Variants in MYH11 observed in about 807,000 individuals in gnomAD.
MYH11 encodes the protein myosin-11.
MYH11 carries 80 observed loss-of-function variants against 246.6 expected under a neutral mutation model. The observed-to-expected ratio is 0.32, with a 90% CI of 0.27 to 0.39. MYH11 has a LOEUF of 0.39. Among genes scored for constraint, MYH11 ranks in the 10% least tolerant of loss-of-function variants. The pLI is 1.00. For missense variants in MYH11, 2,158 were observed against 2,546.8 expected (o/e 0.85, Z 3.29); for synonymous variants, 1,071 against 1,015.5 (o/e 1.05, Z -1.04).
At chr16:15,785,558 C>T (rs2042449407) in intron 5 of MYH11, 1 of 151,738 alleles carries the variant, frequency 6.6e-6, no homozygotes, top group Non-Finnish European at 1.5e-5. Flanking sequence ...TCCAGACAAG[C>T]CGGCCATGGT....
At chr16:15,778,139 C>T (rs2042266480) in intron 7 of MYH11, among the ~76,000 whole-genome samples, 2 of 152,138 alleles carry the variant, frequency 1.3e-5, no homozygotes, top group South Asian at 4.1e-4. Flanking sequence ...TGGTTGTTCC[C>T]CCACGTCCAG....
At chr16:15,738,233 T>C (rs2041177875) in intron 24 of MYH11, among the ~76,000 whole-genome samples, 1 of 151,986 alleles carries the variant, frequency 6.6e-6, no homozygotes, top group South Asian at 2.1e-4. Context: ...AGCCCAGGAA[T>C]AGTGGCTCAT....
At chr16:15,737,313 GC>G (rs2041146929) in intron 25 of MYH11, 135 bp downstream of exon 25, 9 of 1,083,992 alleles carry the variant, frequency 8.3e-6, no homozygotes, top group Non-Finnish European at 1.2e-5. Context: ...CTTGTGGGAG[GC>G]CTGGCCTGGG....
At chr16:15,797,910 C>T (rs2042783305) in intron 4 of MYH11, among the ~76,000 whole-genome samples, 1 of 151,804 alleles carries the variant, frequency 6.6e-6, no homozygotes, top group Admixed American at 6.6e-5. Flanking sequence ...TTTAAAATGT[C>T]CCCTCAGATG....
chr16:15,734,276 T>C (rs753981693), intron 26 of MYH11, among the ~76,000 whole-genome samples: 1 of 151,324 alleles, frequency 6.6e-6, no homozygotes, highest in Non-Finnish European at 1.5e-5. Flanking sequence ...TTAACTGGTG[T>C]GACTAAGGGT....
intron 1 of MYH11, among the ~76,000 whole-genome samples, chr16:15,838,688 C>A (rs1052161726): frequency 6.6e-6 from 1 of 151,652 alleles, no homozygotes. Flanking sequence ...GGTGAAACCC[C>A]GTCTCTACTG....
chr16:15,769,322 A>C (rs1489314103), intron 9 of MYH11, among the ~76,000 whole-genome samples: 2 of 152,188 alleles, frequency 1.3e-5, no homozygotes, highest in Non-Finnish European at 2.9e-5. Flanking sequence ...ATCTCAAACA[A>C]AACAAAACAA....
chr16:15,739,580 T>G (rs573148261), intron 23 of MYH11, among the ~76,000 whole-genome samples: 1 of 152,280 alleles, frequency 6.6e-6, no homozygotes, highest in Admixed American at 6.5e-5. Context: ...GACATCCAGC[T>G]CAAAGAACTA....
intron 2 of MYH11, among the ~76,000 whole-genome samples, chr16:15,830,488 G>C (rs111733933): frequency 1.6e-4 from 24 of 152,178 alleles, no homozygotes; most frequent in African/African-American, 5.8e-4. Flanking sequence ...AAAATACACA[G>C]TTAGATGCAA....
chr16:15,723,598 A>C (rs2040595239), intron 31 of MYH11, among the ~76,000 whole-genome samples: 1 of 152,188 alleles, frequency 6.6e-6, no homozygotes, highest in African/African-American at 2.4e-5. Flanking sequence ...GGGAGCTGAG[A>C]TCACACCACT....
At chr16:15,743,964 C>A (rs1303449652) in intron 20 of MYH11, among the ~76,000 whole-genome samples, 1 of 151,984 alleles carries the variant, frequency 6.6e-6, no homozygotes, top group Non-Finnish European at 1.5e-5. Context: ...CCTGACTCTG[C>A]CAGAAATAAA....
intron 2 of MYH11, among the ~76,000 whole-genome samples, chr16:15,837,012 G>A (rs1405379500): frequency 6.6e-6 from 1 of 152,030 alleles, no homozygotes; most frequent in Non-Finnish European, 1.5e-5. Flanking sequence ...GGCATGAGTC[G>A]CCAAACCTGG....
intron 2 of MYH11, among the ~76,000 whole-genome samples, chr16:15,826,367 T>A (rs544250306): frequency 6.6e-6 from 1 of 152,116 alleles, no homozygotes; most frequent in Non-Finnish European, 1.5e-5. Context: ...GCAGGAAGAT[T>A]GCTTGAGCCC....
intron 3 of MYH11, among the ~76,000 whole-genome samples, chr16:15,818,678 C>T (rs1454402657): frequency 6.6e-6 from 1 of 152,012 alleles, no homozygotes; most frequent in Non-Finnish European, 1.5e-5. Context: ...TCTCATGATC[C>T]CCCCACCTTG....
chr16:15,745,582 C>CTTTTTTTTTT (rs71981525), intron 19 of MYH11, among the ~76,000 whole-genome samples: 4 of 94,412 alleles, frequency 4.2e-5, no homozygotes, highest in African/African-American at 8.1e-5. Flanking sequence ...TTCTTTCTTT[C>CTTTTTTTTTT]TTTTTTTTTT....
chr16:15,829,384 C>G (rs891356189), intron 2 of MYH11, among the ~76,000 whole-genome samples: 9 of 152,124 alleles, frequency 5.9e-5, no homozygotes, highest in Non-Finnish European at 1.2e-4. Flanking sequence ...TCTGTAAAAG[C>G]TTTCTAAGCA....
chr16:15,806,303 A>G (rs1333026550), intron 3 of MYH11, among the ~76,000 whole-genome samples: 1 of 142,744 alleles, frequency 7.0e-6, no homozygotes, highest in African/African-American at 2.5e-5. Context: ...AAAAAAAAAA[A>G]AAAAAAAAAA....
intron 40 of MYH11, among the ~76,000 whole-genome samples, chr16:15,709,164 A>G (rs2039639142): frequency 6.6e-6 from 1 of 150,932 alleles, no homozygotes; most frequent in Admixed American, 6.6e-5. Context: ...CTTGTCTCCA[A>G]CTCCTGATGT....
intron 22 of MYH11, chr16:15,741,079 C>T: frequency 2.7e-6 from 1 of 365,684 alleles, no homozygotes; most frequent in Non-Finnish European, 5.3e-6. Context: ...TGACTGCAAC[C>T]TCAGGCCGGA....
Sources: allele counts gnomAD v4.1 joint callset (sites outside exome capture counted in the v4.1 genomes callset), GRCh38; gene constraint gnomAD v4.1.1; transcripts MANE v1.5; gene names NCBI Gene and HGNC (gene_info 2026-07-23, HGNC 2026-07-21).